Variants in XYLT1 observed in about 807,000 individuals in gnomAD.
The protein encoded by XYLT1 is xylosyltransferase 1.
XYLT1 carries 36 observed loss-of-function variants against 91.3 expected under a neutral mutation model. The observed-to-expected ratio is 0.39, with a 90% CI of 0.30 to 0.52. The LOEUF is 0.52. Among genes scored for constraint, XYLT1 ranks in the 20% least tolerant of loss-of-function variants. The pLI is 0.68. For synonymous variants in XYLT1, 588 were observed against 532.0 expected, an observed-to-expected ratio of 1.11 and a Z score of -1.45; for missense variants, 1,242 against 1,284.5, an observed-to-expected ratio of 0.97 and a Z score of 0.51.
At chr16:17,357,155 C>A (rs1351291092) in intron 2 of XYLT1, among the ~76,000 whole-genome samples, 1 of 110,176 alleles carries the variant, frequency 9.1e-6, no homozygotes, top group African/African-American at 3.5e-5. Context: ...CCAGCCTGGG[C>A]AACAGAGACT....
At chr16:17,448,053 G>A (rs745400645) in intron 1 of XYLT1, among the ~76,000 whole-genome samples, 1 of 152,160 alleles carries the variant, frequency 6.6e-6, no homozygotes, top group Non-Finnish European at 1.5e-5. Context: ...TTTCAGAAAG[G>A]CTATTTACTA....
At chr16:17,357,474 C>T (rs986636746) in intron 2 of XYLT1, among the ~76,000 whole-genome samples, 3 of 152,144 alleles carry the variant, frequency 2.0e-5, no homozygotes, top group Non-Finnish European at 2.9e-5. Flanking sequence ...CAGTCAGGGC[C>T]GTGCCCTCCC....
intron 2 of XYLT1, among the ~76,000 whole-genome samples, chr16:17,286,666 A>ATCATCATCATAC (rs1555494408): frequency 6.6e-6 from 1 of 151,722 alleles, no homozygotes; most frequent in African/African-American, 2.4e-5. Flanking sequence ...CATCATCCTC[A>ATCATCATCATAC]TCATCATCAT....
chr16:17,453,864 T>C (rs1054296890), intron 1 of XYLT1, among the ~76,000 whole-genome samples: 1 of 152,178 alleles, frequency 6.6e-6, no homozygotes, highest in Non-Finnish European at 1.5e-5. Context: ...AATATGGCTT[T>C]GGTATAAGAA....
At chr16:17,351,751 G>T (rs1302225910) in intron 2 of XYLT1, among the ~76,000 whole-genome samples, 1 of 149,384 alleles carries the variant, frequency 6.7e-6, no homozygotes, top group East Asian at 1.9e-4. Context: ...TTTTTTTTTG[G>T]GGGGGGGTGC....
chr16:17,364,040 C>T (rs529753628), intron 1 of XYLT1, among the ~76,000 whole-genome samples: 15 of 152,140 alleles, frequency 9.9e-5, no homozygotes, highest in African/African-American at 3.6e-4. Context: ...TAATTTAATG[C>T]AATCACCTCA....
intron 1 of XYLT1, among the ~76,000 whole-genome samples, chr16:17,389,429 T>C (rs1462306108): frequency 6.6e-6 from 1 of 152,164 alleles, no homozygotes; most frequent in Admixed American, 6.5e-5. Context: ...TGTTTAATTA[T>C]GGTTTATCTG....
At chr16:17,192,092 CTTTTTTTT>C (rs550488299) in intron 5 of XYLT1, among the ~76,000 whole-genome samples, 97 of 126,788 alleles carry the variant, frequency 7.7e-4, no homozygotes, top group Admixed American at 4.9e-3. Context: ...CTCTCTCTCT[CTTTTTTTT>C]TTTTTTTTTT....
chr16:17,316,774 T>C (rs1033524294), intron 2 of XYLT1, among the ~76,000 whole-genome samples: 2 of 151,288 alleles, frequency 1.3e-5, no homozygotes, highest in African/African-American at 4.9e-5. Context: ...AAAGCTAATT[T>C]TACACAGACC....
At chr16:17,204,610 C>T (rs2032606479) in intron 3 of XYLT1, among the ~76,000 whole-genome samples, 1 of 152,076 alleles carries the variant, frequency 6.6e-6, no homozygotes, top group Non-Finnish European at 1.5e-5. Context: ...TTACTGAGTG[C>T]CTACTATGTG....
rs878991942 is a variant in XYLT1 at position 17,215,906 on chromosome 16, G to C, written c.914-15252C>G. Among the ~76,000 whole-genome samples, 4 of 152,136 alleles carry C rather than the reference G, an allele frequency of 2.6e-5. No homozygotes were observed. In the Admixed American group the frequency reaches 2.6e-4, roughly 10 times the overall value. ...TACCACCTTAAGGACTGCAATTGAA[G>C]AGAGTAACAAGCCCTTTCATCAGGC... On this transcript the variant is annotated intron_variant, in intron 3 of 11. Coordinates refer to ENST00000261381, the MANE Select transcript of XYLT1 (RefSeq NM_022166.4).
At chr16:17,217,813 A>T (rs1260427045) in intron 3 of XYLT1, among the ~76,000 whole-genome samples, 2 of 152,190 alleles carry the variant, frequency 1.3e-5, no homozygotes, top group African/African-American at 4.8e-5. Flanking sequence ...CCAGGTCTAT[A>T]GACCTTTCCA....
In XYLT1 at chr16:17,421,592, G is replaced by C. The variant is rs545356320; in HGVS notation, c.363+48842C>G. Reference sequence around the variant, plus strand: ...CCAGCTGTGAGACAATCAAGCCACAGGAAGATGCTTGATGCTACCTGGAGA... The same window carrying C: ...CCAGCTGTGAGACAATCAAGCCACACGAAGATGCTTGATGCTACCTGGAGA... On this transcript the variant is annotated intron_variant, in intron 1 of 11. Coordinates refer to ENST00000261381, the MANE Select transcript of XYLT1 (RefSeq NM_022166.4). Among the ~76,000 whole-genome samples, 206 of 152,286 alleles carry C rather than the reference G, an allele frequency of 1.4e-3. 4 individuals are homozygous for C. The South Asian group carries it at 0.041, about 30-fold the overall frequency.
intron 1 of XYLT1, among the ~76,000 whole-genome samples, chr16:17,418,786 T>C (rs1366752865): frequency 6.6e-6 from 1 of 151,664 alleles, no homozygotes; most frequent in Non-Finnish European, 1.5e-5. Flanking sequence ...ACATTGAGGC[T>C]GCAGAGAGCC....
At chr16:17,272,691 G>A (rs2033915344) in intron 2 of XYLT1, among the ~76,000 whole-genome samples, 1 of 152,192 alleles carries the variant, frequency 6.6e-6, no homozygotes, top group Non-Finnish European at 1.5e-5. Flanking sequence ...TTGTCTTGAG[G>A]CTAAGTAGCG....
At chr16:17,422,879 T>C (rs1399839943) in intron 1 of XYLT1, among the ~76,000 whole-genome samples, 1 of 152,174 alleles carries the variant, frequency 6.6e-6, no homozygotes, top group Non-Finnish European at 1.5e-5. Flanking sequence ...AATAGTTGTA[T>C]GATTTGTGTA....
At chr16:17,443,714 C>CTA (rs2036559612) in intron 1 of XYLT1, among the ~76,000 whole-genome samples, 1 of 152,196 alleles carries the variant, frequency 6.6e-6, no homozygotes, top group Non-Finnish European at 1.5e-5. Flanking sequence ...CAACTAATCA[C>CTA]CTAACCCCAT....
chr16:17,138,047 T>TGAAGAGTTGATATGAA (rs59876842), intron 8 of XYLT1, among the ~76,000 whole-genome samples: 1 of 151,760 alleles, frequency 6.6e-6, no homozygotes, highest in African/African-American at 2.4e-5. Context: ...GAAGATGATA[T>TGAAGAGTTGATATGAA]GAGTATGGCC....
chr16:17,173,867 C>T (rs566648446), intron 5 of XYLT1, among the ~76,000 whole-genome samples: 1 of 152,234 alleles, frequency 6.6e-6, no homozygotes, highest in Admixed American at 6.5e-5. Context: ...CTAAGTTGAG[C>T]AAAGATTTGA....
Sources: gnomAD v4.1 joint callset for allele counts (sites outside exome capture counted in the v4.1 genomes callset) on GRCh38, gnomAD v4.1.1 for gene constraint, MANE v1.5 for transcripts, NCBI Gene and HGNC (gene_info 2026-07-23, HGNC 2026-07-21) for gene names.